Variants in NUP58 observed in about 807,000 individuals in gnomAD.
The protein encoded by NUP58 is nucleoporin p58/p45.
NUP58 carries 17 observed loss-of-function variants against 70.1 expected under a neutral mutation model. That is an observed-to-expected ratio of 0.24 (90% CI 0.17 to 0.36). NUP58 has a LOEUF of 0.36. Among genes scored for constraint, NUP58 ranks in the 10% least tolerant of loss-of-function variants. The pLI, the probability that NUP58 is intolerant of heterozygous loss-of-function variation, is 1.00. For synonymous variants in NUP58, 275 were observed against 257.6 expected, an observed-to-expected ratio of 1.07 and a Z score of -0.65; for missense variants, 644 against 701.5, an observed-to-expected ratio of 0.92 and a Z score of 0.93.
chr13:25,301,777 T>C lies in NUP58; in HGVS notation c.4T>C (p.Ser2Pro), dbSNP rs1314604684. 6.2e-7 allele frequency: 1 copy of C among 1,610,832 alleles called. No homozygotes were observed. The highest frequency in any genetic ancestry group is 1.3e-5 in the African/African-American group (1 of 74,924). The change falls in exon 1 of 16, where the codon TCC (serine) becomes CCC (proline). Residue 2 changes from serine to proline, a missense_variant. Physicochemically the swap from Ser to Pro is moderately conservative, Grantham distance 74 (BLOSUM62 -1). This residue lies in a region of NUP58 where 430 missense variants were observed against 409.2 expected (regional missense o/e 1.05). Transcript: ENST00000381736. Reference sequence around the variant, plus strand: ...CGGCGTCGAGCCCTGGCCAGACATGTCCACAGGGTTCTCCTTCGGGTCCGG... The same window carrying C: ...CGGCGTCGAGCCCTGGCCAGACATGCCCACAGGGTTCTCCTTCGGGTCCGG... MSTGFSFGSGTL... is the reference protein window; with the variant it reads MPTGFSFGSGTL...
In NUP58 at chr13:25,315,414, C is replaced by T; in HGVS notation, c.632C>T (p.Ala211Val). 6.2e-7 allele frequency: 1 copy of T among 1,613,918 alleles called. No homozygotes were observed. The highest frequency in any genetic ancestry group is 1.7e-5 in the Admixed American group (1 of 60,014). The stretch of plus-strand genomic sequence containing the variant: ...GGAACTACAGCAGCTACTTCAACTG[C>T]AGGCAATGAAGGCCTTGGTGGTATA... ...TLGTTAATST[A>V]GNEGLGGIDF... The change falls in exon 6 of 16, where the codon GCA becomes GTA. Residue 211 changes from alanine (A) to valine (V), a missense_variant. By Grantham distance (64) the Ala-to-Val change is moderately conservative (BLOSUM62 0). This residue lies in a region of NUP58 where 430 missense variants were observed against 409.2 expected (regional missense o/e 1.05). Coordinates refer to ENST00000381736, the MANE Select transcript of NUP58 (RefSeq NM_014089.4).
downstream of NUP58, among the ~76,000 whole-genome samples, chr13:25,344,309 T>C (rs1280999590): frequency 6.6e-6 from 1 of 152,220 alleles, no homozygotes; most frequent in Non-Finnish European, 1.5e-5. Context: ...AAGCAAGTTA[T>C]GTAACTTCTA....
rs188453482 is a variant in NUP58 at position 25,321,119 on chromosome 13, C to T, written c.951+26C>T. On this transcript the variant is annotated intron_variant, in intron 9 of 15. Coordinates refer to ENST00000381736, the MANE Select transcript of NUP58 (RefSeq NM_014089.4). Reference sequence around the variant, plus strand: ...GTATACCAACTTATGGCCATTTTACCGTAGGGTTTTTTTGTTTTGTTTTTT... The same window carrying T: ...GTATACCAACTTATGGCCATTTTACTGTAGGGTTTTTTTGTTTTGTTTTTT... The T allele has an allele frequency of 3.4e-5, 52 of 1,540,982 alleles. 1 individual carries two copies. The East Asian group carries it at 5.3e-4, about 16-fold the overall frequency.
intron 12 of NUP58, among the ~76,000 whole-genome samples, chr13:25,330,639 TAATC>T (rs1342480941): frequency 6.6e-6 from 1 of 152,232 alleles, no homozygotes; most frequent in African/African-American, 2.4e-5. Context: ...TTGATGGCCT[TAATC>T]AAAGCAGATG....
chr13:25,322,919 T>C lies in NUP58; in HGVS notation c.951+1826T>C, dbSNP rs534658009. On this transcript the variant is annotated intron_variant, in intron 9 of 15. Transcript: ENST00000381736. ...ATCACATGAAATTATGTGAAATATT[T>C]GAAATTATATATAAGTTATTTAGAA... Among the ~76,000 whole-genome samples, 11 of 152,302 alleles carry C rather than the reference T, an allele frequency of 7.2e-5. No homozygotes were observed. In the South Asian group the frequency reaches 2.3e-3, roughly 32 times the overall value.
At chr13:25,319,435 A>G (rs971355999) in intron 7 of NUP58, 85 bp downstream of exon 7, 13 of 1,274,316 alleles carry the variant, frequency 1.0e-5, no homozygotes, top group Non-Finnish European at 1.4e-5. Flanking sequence ...ATTGAAAGTA[A>G]ATATCATATA....
At chr13:25,307,685 A>G in intron 1 of NUP58, 121 bp from the exon 2 acceptor site, 1 of 891,926 alleles carries the variant, frequency 1.1e-6, no homozygotes, top group East Asian at 2.6e-5. Context: ...TGTATTAGAT[A>G]TGTTATGTGA....
intron 6 of NUP58, among the ~76,000 whole-genome samples, chr13:25,318,133 G>C (rs926052647): frequency 6.6e-6 from 1 of 152,016 alleles, no homozygotes; most frequent in South Asian, 2.1e-4. Flanking sequence ...ATCAAGACCA[G>C]CCTGGCCAAG....
chr13:25,332,226 A>C, intron 13 of NUP58: 2 of 985,622 alleles, frequency 2.0e-6, no homozygotes, highest in Non-Finnish European at 2.4e-6. Flanking sequence ...GAAGTTGAAC[A>C]GATGAAAATA....
At chr13:25,330,910 T>A (rs1432582913) in intron 12 of NUP58, among the ~76,000 whole-genome samples, 1 of 152,172 alleles carries the variant, frequency 6.6e-6, no homozygotes, top group Non-Finnish European at 1.5e-5. Context: ...GTATGTATAT[T>A]TAGTGCTGAC....
chr13:25,324,399 C>T, intron 9 of NUP58, among the ~76,000 whole-genome samples: 1 of 152,086 alleles, frequency 6.6e-6, no homozygotes, highest in East Asian at 1.9e-4. Context: ...TTGTAGAAAG[C>T]AATATAAGAA....
intron 13 of NUP58, chr13:25,334,719 C>G: frequency 1.0e-6 from 1 of 980,446 alleles, no homozygotes; most frequent in African/African-American, 1.7e-5. Context: ...CACTTTAGTC[C>G]TTTTTCTGTT....
intron 3 of NUP58, 98 bp from the exon 4 acceptor site, chr13:25,312,782 CATG>C (rs1418905888): frequency 1.8e-5 from 21 of 1,155,692 alleles, no homozygotes; most frequent in Non-Finnish European, 2.5e-5. Flanking sequence ...AAGGTAGTAT[CATG>C]AACTTTTAAG....
chr13:25,320,221 C>T (rs942040181), intron 7 of NUP58: 63 of 195,552 alleles, frequency 3.2e-4, no homozygotes, highest in African/African-American at 1.4e-3. Flanking sequence ...TAACATCTTA[C>T]CCAATTTGCA....
At chr13:25,330,716 A>C (rs1210480160) in intron 12 of NUP58, among the ~76,000 whole-genome samples, 1 of 152,126 alleles carries the variant, frequency 6.6e-6, no homozygotes, top group Non-Finnish European at 1.5e-5. Flanking sequence ...TGGAGTTACA[A>C]ACACTTTTTT....
At chr13:25,305,130 G>GTTGTT (rs2030258506) in intron 1 of NUP58, among the ~76,000 whole-genome samples, 1 of 58,564 alleles carries the variant, frequency 1.7e-5, no homozygotes, top group African/African-American at 5.1e-5. Flanking sequence ...GATCTGTGGG[G>GTTGTT]TTTTTTTTTT....
chr13:25,307,700 AATT>A (rs2030440609), intron 1 of NUP58, 103 bp from the exon 2 acceptor site: 1 of 1,079,434 alleles, frequency 9.3e-7, no homozygotes, highest in Admixed American at 2.5e-5. Flanking sequence ...ATGTGAATGA[AATT>A]ATCTTGAAGA....
At chr13:25,316,706 T>C (rs1023858196) in intron 6 of NUP58, among the ~76,000 whole-genome samples, 1 of 152,318 alleles carries the variant, frequency 6.6e-6, no homozygotes, top group South Asian at 2.1e-4. Context: ...ATTACTTTTA[T>C]TTTAAGCATG....
chr13:25,318,565 A>G (rs118127871), intron 6 of NUP58, among the ~76,000 whole-genome samples: 4 of 152,344 alleles, frequency 2.6e-5, no homozygotes, highest in East Asian at 1.9e-4. Flanking sequence ...TTAGAAATAT[A>G]TAAGAAAAAT....
Sources: gnomAD v4.1 joint callset for allele counts (sites outside exome capture counted in the v4.1 genomes callset) on GRCh38, gnomAD v4.1.1 for gene constraint, gnomAD v4.1.1 regional missense constraint, MANE v1.5 for transcripts, NCBI Gene and HGNC (gene_info 2026-07-23, HGNC 2026-07-21) for gene names.